CEP57L1: variants seen among roughly 807,000 people sequenced by gnomAD.
CEP57L1 encodes centrosomal protein 57 like 1, also known as centrosomal protein CEP57L1.
In CEP57L1, 37 loss-of-function variants were observed where a neutral mutation model predicts 61.0. That is an observed-to-expected ratio of 0.61 (90% confidence interval 0.47 to 0.80). The LOEUF is 0.80. CEP57L1 is among the 30% of genes least tolerant of loss of function. The pLI is 0.00. For synonymous variants in CEP57L1, 137 were observed against 162.3 expected (o/e 0.84, Z 1.19); for missense variants, 422 against 524.7 (o/e 0.80, Z 1.91).
chr6:109,136,084 T>G (rs1234878022), intron 1 of CEP57L1, among the ~76,000 whole-genome samples: 3 of 152,198 alleles, frequency 2.0e-5, no homozygotes, highest in African/African-American at 7.2e-5. Flanking sequence ...CAAAGGATTA[T>G]AAATCATTCT....
chr6:109,109,515 A>C (rs1471330345), intron 1 of CEP57L1, among the ~76,000 whole-genome samples: 1 of 152,128 alleles, frequency 6.6e-6, no homozygotes, highest in African/African-American at 2.4e-5. Flanking sequence ...TAGATCTATA[A>C]CATTTAAATA....
intron 4 of CEP57L1, among the ~76,000 whole-genome samples, chr6:109,152,126 A>G (rs1164856758): frequency 6.6e-6 from 1 of 152,112 alleles, no homozygotes; most frequent in African/African-American, 2.4e-5. Flanking sequence ...ACAGGTTACC[A>G]AGACTCTGTT....
intron 1 of CEP57L1, among the ~76,000 whole-genome samples, chr6:109,138,528 A>G (rs1235136495): frequency 6.6e-6 from 1 of 152,206 alleles, no homozygotes; most frequent in Non-Finnish European, 1.5e-5. Context: ...AGAGATTCCT[A>G]TAATAATTAC....
rs1774376356 is a variant in CEP57L1 at position 109,171,014 on chromosome 6, G to C, written c.*8044G>C. Among the ~76,000 whole-genome samples, 1 of 152,066 alleles carries C rather than the reference G, an allele frequency of 6.6e-6. No individual in the cohort carries two copies. The highest frequency in any genetic ancestry group is 2.1e-4 in the South Asian group (1 of 4,820). On this transcript the variant is annotated 3_prime_UTR_variant, in exon 11 of 11. Transcript: ENST00000517392. Reference sequence around the variant, plus strand: ...TATGTATATAACTTCTCCTTTATAAGCTTAGAAAAATTTATATCAGTATTA... The same window carrying C: ...TATGTATATAACTTCTCCTTTATAACCTTAGAAAAATTTATATCAGTATTA...
chr6:109,140,428 C>A (rs1254632356), intron 1 of CEP57L1: 2 of 127,760 alleles, frequency 1.6e-5, no homozygotes, highest in African/African-American at 2.9e-5. Context: ...TAGACAGAGT[C>A]TTTCTCTGTC....
chr6:109,124,705 C>T (rs1261726430), intron 1 of CEP57L1, among the ~76,000 whole-genome samples: 1 of 152,164 alleles, frequency 6.6e-6, no homozygotes, highest in Middle Eastern at 3.2e-3. Flanking sequence ...CCCATTCTCT[C>T]ACTTTCTTTT....
rs180939027 is a variant in CEP57L1 at position 109,130,937 on chromosome 6, A to G, written c.-3-14282A>G. On this transcript the variant is annotated intron_variant, in intron 1 of 10. Coordinates refer to ENST00000517392, the MANE Select transcript of CEP57L1 (RefSeq NM_001271852.3). ...CTTATAAGCACTCTATGGGAAATAC[A>G]CTTTAGGACCATGCAAATATCCTGC... 41 of 152,278 alleles carry G rather than the reference A, an allele frequency of 2.7e-4. 1 individual carries two copies. Among genetic ancestry groups the G allele is most frequent in the Admixed American group, 2.7e-3 (41 of 15,294 alleles). The allele number at this position is 152,278 out of a possible 1,614,324, so 9.4% of individuals were successfully genotyped here.
At chr6:109,106,950 C>T (rs546732444) in intron 1 of CEP57L1, among the ~76,000 whole-genome samples, 5 of 151,904 alleles carry the variant, frequency 3.3e-5, no homozygotes, top group Non-Finnish European at 7.4e-5. Context: ...AAAAAACTAA[C>T]GAAATAAAAT....
rs555480044 is a variant in CEP57L1, at chr6:109,159,351, C to A, written c.905C>A (p.Thr302Lys). 2 of 1,613,988 alleles carry A rather than the reference C, an allele frequency of 1.2e-6. No individual in the cohort carries two copies. The highest frequency in any genetic ancestry group is 2.7e-5 in the African/African-American group (2 of 74,934). ...ETRCLPKPSR[T>K]TSWCKAIPPD... ...AGATGTCTCCCCAAGCCTTCTAGAA[C>A]AACTTCCTGGTGTAAAGCTATTCCT... The change falls in exon 9 of 11, where the codon ACA (threonine) becomes AAA (lysine). Residue 302 changes from threonine to lysine, a missense_variant. Physicochemically the swap from Thr to Lys is moderately conservative, Grantham distance 78 (BLOSUM62 -1). Transcript: ENST00000517392.
At position 109,167,329 on chromosome 6, in the gene CEP57L1, A is replaced by AT. The variant is rs34762597; in HGVS notation, c.*4369dup. ...ATTGTTTACTTAAAGAATTAGGTGAATTTTTTTTTTCCTGGTAGGTTTATT... is the reference window on the plus strand; with the variant it reads ...ATTGTTTACTTAAAGAATTAGGTGAATTTTTTTTTTTCCTGGTAGGTTTATT... On this transcript the variant is annotated 3_prime_UTR_variant, in exon 11 of 11. Coordinates refer to ENST00000517392, the MANE Select transcript of CEP57L1 (RefSeq NM_001271852.3). Among the ~76,000 whole-genome samples, 14 of 150,342 alleles carry AT rather than the reference A, an allele frequency of 9.3e-5. No individual in the cohort carries two copies. The highest frequency in any genetic ancestry group is 2.2e-4 in the African/African-American group (9 of 40,902).
chr6:109,111,638 A>T (rs1771637375), intron 1 of CEP57L1, among the ~76,000 whole-genome samples: 2 of 152,198 alleles, frequency 1.3e-5, no homozygotes, highest in South Asian at 4.1e-4. Context: ...TTGCCCATTC[A>T]GTATGATATT....
intron 1 of CEP57L1, among the ~76,000 whole-genome samples, chr6:109,125,463 CT>C (rs1471243192): frequency 6.7e-6 from 1 of 148,462 alleles, no homozygotes; most frequent in African/African-American, 2.5e-5. Context: ...TTTGTAGCAA[CT>C]AATCTGAGTG....
intron 1 of CEP57L1, among the ~76,000 whole-genome samples, chr6:109,138,999 G>A (rs552568211): frequency 3.9e-5 from 6 of 152,194 alleles, no homozygotes; most frequent in Non-Finnish European, 8.8e-5. Context: ...TTCACTGAAA[G>A]AAAGCACTTT....
chr6:109,132,086 G>A (rs1774262210), intron 1 of CEP57L1, among the ~76,000 whole-genome samples: 1 of 152,146 alleles, frequency 6.6e-6, no homozygotes, highest in Non-Finnish European at 1.5e-5. Context: ...ATGCTCATGT[G>A]GGTTTGAAGT....
chr6:109,156,718 T>C (rs1773254008), intron 7 of CEP57L1: 1 of 152,128 alleles, frequency 6.6e-6, no homozygotes, highest in South Asian at 2.1e-4. Context: ...ATGCTTAGCT[T>C]GTGGATAAAA....
chr6:109,123,339 C>T (rs530547161), intron 1 of CEP57L1, among the ~76,000 whole-genome samples: 3 of 152,240 alleles, frequency 2.0e-5, no homozygotes, highest in Admixed American at 6.5e-5. Flanking sequence ...GAATACACTC[C>T]GAACTAGGAT....
chr6:109,105,778 C>T (rs768082403), intron 1 of CEP57L1, among the ~76,000 whole-genome samples: 5 of 152,072 alleles, frequency 3.3e-5, no homozygotes, highest in African/African-American at 1.2e-4. Flanking sequence ...TGGACTGGTA[C>T]GGGTTCGTGG....
intron 1 of CEP57L1, among the ~76,000 whole-genome samples, chr6:109,117,270 AATAT>A (rs1772419292): frequency 6.6e-6 from 1 of 152,206 alleles, no homozygotes; most frequent in Non-Finnish European, 1.5e-5. Flanking sequence ...TACACAAGAG[AATAT>A]TACTTATGAT....
At position 109,105,161 on chromosome 6, in the gene CEP57L1, G is replaced by T. The variant is rs141157751; in HGVS notation, c.-4+9586G>T. Among the ~76,000 whole-genome samples, 1,259 of 151,934 alleles carry T rather than the reference G, an allele frequency of 8.3e-3. 24 individuals are homozygous for T. The highest frequency in any genetic ancestry group is 0.029 in the African/African-American group (1,211 of 41,458). On this transcript the variant is annotated intron_variant, in intron 1 of 10. Transcript: ENST00000517392. ...TTTCTTTTTTAAAGATATCATCAAT[G>T]ATGTTTTTTGTTATACAGACATTTT...
Sources: allele counts gnomAD v4.1 joint callset (sites outside exome capture counted in the v4.1 genomes callset), GRCh38; gene constraint gnomAD v4.1.1; transcripts MANE v1.5; gene names NCBI Gene and HGNC (gene_info 2026-07-23, HGNC 2026-07-21).